Variants in PRKG2 observed in about 807,000 individuals in gnomAD.
PRKG2 encodes cGMP-dependent protein kinase 2.
A neutral mutation model predicts 97.2 loss-of-function variants in PRKG2; 33 were observed. The observed-to-expected ratio is 0.34, with a 90% CI of 0.26 to 0.45. The LOEUF is 0.45. Ranked by LOEUF, PRKG2 falls within the 20% of genes least tolerant of loss-of-function variation. The probability of loss-of-function intolerance (pLI) is 1.00; values close to 1 mark genes in which losing one functional copy is unlikely to be tolerated. For synonymous variants in PRKG2, 330 were observed against 321.8 expected, an observed-to-expected ratio of 1.03 and a Z score of -0.27; for missense variants, 638 against 900.0, an observed-to-expected ratio of 0.71 and a Z score of 3.73.
chr4:81,183,076 T>A (rs1200143819), intron 2 of PRKG2, among the ~76,000 whole-genome samples: 1 of 137,374 alleles, frequency 7.3e-6, no homozygotes, highest in Non-Finnish European at 1.5e-5. Flanking sequence ...CTTCACAACA[T>A]TGAAGAATAA....
Position 81,212,115 on chromosome 4 carries a change from C to A in PRKG2, c.-14+2821G>T, listed in dbSNP as rs920327358. Reference sequence around the variant, plus strand: ...AATGCCACAATTAAAAGCATCTGTCCATCCAACCTTGTGACTGTTGACCCG... The same window carrying A: ...AATGCCACAATTAAAAGCATCTGTCAATCCAACCTTGTGACTGTTGACCCG... On this transcript the variant is annotated intron_variant, in intron 1 of 18. Coordinates refer to ENST00000264399, the MANE Select transcript of PRKG2 (RefSeq NM_006259.3). 8.5e-5 allele frequency among the ~76,000 whole-genome samples: 13 copies of A among 152,272 alleles called. 1 individual carries two copies. The highest frequency in any genetic ancestry group is 7.2e-4 in the Admixed American group (11 of 15,306).
intron 1 of PRKG2, among the ~76,000 whole-genome samples, chr4:81,208,117 G>T (rs1293070508): frequency 2.0e-5 from 3 of 152,100 alleles, no homozygotes; most frequent in South Asian, 2.1e-4. Context: ...GCCAATTAGG[G>T]TTATAAAACA....
At chr4:81,192,453 C>T (rs1752627210) in intron 2 of PRKG2, among the ~76,000 whole-genome samples, 1 of 152,082 alleles carries the variant, frequency 6.6e-6, no homozygotes. Context: ...ATATGTATGA[C>T]TTTGGAATCA....
chr4:81,153,644 C>G lies in PRKG2; in HGVS notation c.990G>C (p.Lys330Asn). 1 of 1,577,508 alleles carries G rather than the reference C, an allele frequency of 6.3e-7. No homozygotes were observed. Among genetic ancestry groups the G allele is most frequent in the Non-Finnish European group, 8.7e-7 (1 of 1,147,364 alleles). ...TTAGTAAGTTTTAATTAATAGTTAC[C>G]TTTCCTTTTGCCAAAATGAAAAAGG... is the stretch of plus-strand genomic sequence containing the variant. ...GSTFFILAKGKVKVTQSTEGH... is the reference protein window; with the variant it reads ...GSTFFILAKGNVKVTQSTEGH... Residue 330 changes from lysine to asparagine, a missense_variant and splice_region_variant, in exon 7 of 19, where the codon AAG becomes AAC. Coordinates refer to ENST00000264399, the MANE Select transcript of PRKG2 (RefSeq NM_006259.3).
intron 14 of PRKG2, among the ~76,000 whole-genome samples, chr4:81,133,243 A>G (rs1223761931): frequency 6.6e-6 from 1 of 152,198 alleles, no homozygotes; most frequent in Non-Finnish European, 1.5e-5. Context: ...CCAAGAGCCA[A>G]TAATGAGAAA....
At chr4:81,108,351 A>G (rs17005056) in intron 15 of PRKG2, among the ~76,000 whole-genome samples, 22,997 of 152,150 alleles carry the variant, frequency 0.15, 2,375 homozygotes, top group African/African-American at 0.28. Context: ...CCCACTCTAG[A>G]TAATAAACGA....
Position 81,173,534 on chromosome 4 carries a change from G to A in PRKG2, c.628+1259C>T, listed in dbSNP as rs183649131. 3.3e-5 allele frequency among the ~76,000 whole-genome samples: 5 copies of A among 152,182 alleles called. No individual in the cohort carries two copies. The East Asian group carries it at 9.6e-4, about 29-fold the overall frequency. On this transcript the variant is annotated intron_variant, in intron 3 of 18. Coordinates refer to ENST00000264399, the MANE Select transcript of PRKG2 (RefSeq NM_006259.3). ...AATGGCTAAGAGAAAAGTTGCAAGA[G>A]GGAAAAGTTGTCCCTAAAAACTTGA...
chr4:81,106,842 G>C (rs1743394111), intron 15 of PRKG2, among the ~76,000 whole-genome samples: 1 of 152,162 alleles, frequency 6.6e-6, no homozygotes, highest in South Asian at 2.1e-4. Context: ...TAGTTGCCTG[G>C]CTTTTGGCCA....
At chr4:81,157,802 C>A (rs903504180) in intron 6 of PRKG2, among the ~76,000 whole-genome samples, 1 of 150,902 alleles carries the variant, frequency 6.6e-6, no homozygotes, top group Non-Finnish European at 1.5e-5. Flanking sequence ...TGTAATCCAG[C>A]ATATAAACAG....
intron 14 of PRKG2, among the ~76,000 whole-genome samples, 178 bp from the exon 15 acceptor site, chr4:81,110,789 A>AGACAGAC (rs1743849218): frequency 6.6e-6 from 1 of 150,792 alleles, no homozygotes; most frequent in African/African-American, 2.5e-5. Flanking sequence ...ACAGACAGAC[A>AGACAGAC]AAGAGACAGA....
chr4:81,172,882 T>C (rs6825693), intron 3 of PRKG2, among the ~76,000 whole-genome samples: 1 of 152,088 alleles, frequency 6.6e-6, no homozygotes, highest in Admixed American at 6.6e-5. Flanking sequence ...AAAGAGAAGA[T>C]ATCCTTAGCC....
intron 16 of PRKG2, among the ~76,000 whole-genome samples, chr4:81,105,113 G>A (rs1169719578): frequency 6.6e-6 from 1 of 152,118 alleles, no homozygotes. Context: ...GAAAATTTAT[G>A]TGGCACATGA....
chr4:81,216,557 G>T (rs1429039364), upstream of PRKG2, among the ~76,000 whole-genome samples: 1 of 152,112 alleles, frequency 6.6e-6, no homozygotes, highest in African/African-American at 2.4e-5. Flanking sequence ...TTCAGATTCA[G>T]GGGTACAAGT....
chr4:81,105,079 T>A (rs1743195452), intron 16 of PRKG2, among the ~76,000 whole-genome samples: 1 of 152,148 alleles, frequency 6.6e-6, no homozygotes. Flanking sequence ...TTATTATAAA[T>A]AAATTACTCC....
chr4:81,196,440 T>C (rs147001554), intron 2 of PRKG2, among the ~76,000 whole-genome samples: 1 of 152,330 alleles, frequency 6.6e-6, no homozygotes, highest in East Asian at 1.9e-4. Context: ...ATGCTTGCAT[T>C]TCCTGAGTTT....
At chr4:81,214,426 G>C (rs1046365093) in intron 1 of PRKG2, among the ~76,000 whole-genome samples, 29 of 151,902 alleles carry the variant, frequency 1.9e-4, no homozygotes, top group African/African-American at 5.8e-4. Flanking sequence ...TCATCACCGA[G>C]AAATACAGAA....
At chr4:81,205,119 C>T (rs750695333) in intron 1 of PRKG2, 59 bp from the exon 2 acceptor site, 36 of 1,029,866 alleles carry the variant, frequency 3.5e-5, no homozygotes, top group Non-Finnish European at 4.9e-5. Flanking sequence ...ACAGTCCCCA[C>T]CATTCCTCTC....
chr4:81,180,339 T>C (rs1257746814), intron 2 of PRKG2, among the ~76,000 whole-genome samples: 1 of 152,026 alleles, frequency 6.6e-6, no homozygotes, highest in Non-Finnish European at 1.5e-5. Context: ...AAGACAAGCT[T>C]GTCAGACAAA....
intron 1 of PRKG2, among the ~76,000 whole-genome samples, chr4:81,209,861 A>G (rs1355860142): frequency 6.6e-6 from 1 of 152,126 alleles, no homozygotes; most frequent in Non-Finnish European, 1.5e-5. Context: ...GTATTGGTGA[A>G]AAAATAGACA....
Sources: gnomAD v4.1 joint callset for allele counts (sites outside exome capture counted in the v4.1 genomes callset) on GRCh38, gnomAD v4.1.1 for gene constraint, MANE v1.5 for transcripts, NCBI Gene and HGNC (gene_info 2026-07-23, HGNC 2026-07-21) for gene names.